MMACHC: variants seen among roughly 807,000 people sequenced by gnomAD.
MMACHC encodes the protein metabolism of cobalamin associated C, also known as cyanocobalamin reductase / alkylcobalamin dealkylase.
In MMACHC, 14 loss-of-function variants were observed where a neutral mutation model predicts 17.6. The observed-to-expected ratio is 0.80, with a 90% confidence interval of 0.53 to 1.25. The LOEUF is 1.25. Among genes scored for constraint, MMACHC ranks in the 50% most tolerant of loss-of-function variants. The pLI, the probability that MMACHC is intolerant of heterozygous loss-of-function variation, is 0.00. For missense variants in MMACHC, 392 were observed against 364.5 expected, an observed-to-expected ratio of 1.08 and a Z score of -0.62; for synonymous variants, 151 against 142.1, an observed-to-expected ratio of 1.06 and a Z score of -0.45.
Position 45,507,381 on chromosome 1 carries a change from C to G in MMACHC, c.107C>G (p.Pro36Arg), listed in dbSNP as rs770139367. The G allele has an allele frequency of 2.5e-6, 4 of 1,614,016 alleles. No homozygotes were observed. In the African/African-American group the frequency reaches 5.3e-5, roughly 22 times the overall value. ...GTGGCATGGTACAATGAACTCTTGCCTCCAGCCTTCCACCTACCGCTGCCA... is the reference window on the plus strand; with the variant it reads ...GTGGCATGGTACAATGAACTCTTGCGTCCAGCCTTCCACCTACCGCTGCCA... ...FQVAWYNELL[P>R]PAFHLPLPGP... Residue 36 changes from proline to arginine, a missense_variant, in exon 2 of 4, where the codon CCT becomes CGT. Coordinates refer to ENST00000401061, the MANE Select transcript of MMACHC (RefSeq NM_015506.3).
chr1:45,508,484 G>A, intron 3 of MMACHC, 120 bp downstream of exon 3: 1 of 1,225,846 alleles, frequency 8.2e-7, no homozygotes, highest in Non-Finnish European at 1.1e-6. Flanking sequence ...AATTAGCTTT[G>A]TTCTGGATGG....
At chr1:45,502,363 G>A (rs1643558688) in intron 1 of MMACHC, among the ~76,000 whole-genome samples, 1 of 152,060 alleles carries the variant, frequency 6.6e-6, no homozygotes, top group African/African-American at 2.4e-5. Flanking sequence ...TCAAACTCCT[G>A]GGCTCAAGTG....
At chr1:45,505,327 A>G (rs1213838808) in intron 1 of MMACHC, among the ~76,000 whole-genome samples, 1 of 151,988 alleles carries the variant, frequency 6.6e-6, no homozygotes, top group Non-Finnish European at 1.5e-5. Context: ...GCACGCCTGT[A>G]GTCCCAGCAA....
intron 3 of MMACHC, among the ~76,000 whole-genome samples, 177 bp from the exon 4 acceptor site, chr1:45,508,618 GC>G (rs1020902877): frequency 6.6e-6 from 1 of 152,226 alleles, no homozygotes; most frequent in Non-Finnish European, 1.5e-5. Context: ...AGACTAGGAA[GC>G]CCAGCCCTTC....
At position 45,511,383 on chromosome 1, in the gene MMACHC, A is replaced by G. The variant is rs766611771; in HGVS notation, c.*2168A>G. ...TCTTTTGGACATCAGGCTTGATGGT[A>G]TCACTGCCAGGTTTCCAGCCAGCTG... On this transcript the variant is annotated 3_prime_UTR_variant, in exon 4 of 4. Transcript: ENST00000401061. 2 of 1,613,246 alleles carry G rather than the reference A, an allele frequency of 1.2e-6. No homozygotes were observed.
rs952771687 is a variant in MMACHC at position 45,507,506 on chromosome 1, C to A, written c.232C>A (p.Pro78Thr). The change falls in exon 2 of 4, where the codon CCA becomes ACA. Residue 78 changes from proline to threonine, a missense_variant. Physicochemically the swap from Pro to Thr is conservative, Grantham distance 38. Transcript: ENST00000401061. Reference sequence around the variant, plus strand: ...CTGCCACCTCCGAATGCTGACTGACCCAGTGGACCAGTGTGTGGCCTACCA... The same window carrying A: ...CTGCCACCTCCGAATGCTGACTGACACAGTGGACCAGTGTGTGGCCTACCA... ...QSCHLRMLTDPVDQCVAYHLG... is the reference protein window; with the variant it reads ...QSCHLRMLTDTVDQCVAYHLG... The A allele has an allele frequency of 6.2e-7, 1 of 1,614,184 alleles. No homozygotes were observed. The highest frequency in any genetic ancestry group is 8.5e-7 in the Non-Finnish European group (1 of 1,180,040).
rs188193088 is a variant in MMACHC at position 45,505,897 on chromosome 1, G to A, written c.82-1459G>A. ...AACCTGGGCAACAGAGTGAGACTCC[G>A]TCTCAAAAAAAAAAAAAAACAAAAC... On this transcript the variant is annotated intron_variant, in intron 1 of 3. Transcript: ENST00000401061. Among the ~76,000 whole-genome samples the A allele has an allele frequency of 4.6e-3, 427 of 92,436 alleles. 2 individuals carry two copies. Among genetic ancestry groups the A allele is most frequent in the African/African-American group, 0.019 (399 of 21,040 alleles). 60.6% of individuals were successfully genotyped at this position (92,436 alleles called of 152,430 possible).
chr1:45,503,388 C>T (rs942793432), intron 1 of MMACHC, among the ~76,000 whole-genome samples: 1 of 149,240 alleles, frequency 6.7e-6, no homozygotes, highest in African/African-American at 2.5e-5. Context: ...AGAAGAAGAG[C>T]GAAACTCCAT....
At chr1:45,507,633 A>G (rs1570830326) in intron 2 of MMACHC, 83 bp downstream of exon 2, 1 of 1,469,156 alleles carries the variant, frequency 6.8e-7, no homozygotes, top group Non-Finnish European at 9.4e-7. Context: ...ATCTAGACCT[A>G]GGGCTAGGAG....
chr1:45,504,013 T>C (rs916235945), intron 1 of MMACHC, among the ~76,000 whole-genome samples: 8 of 152,214 alleles, frequency 5.3e-5, no homozygotes, highest in African/African-American at 1.9e-4. Context: ...TCCAATTTCT[T>C]GGATGTCCAG....
At chr1:45,506,611 T>G (rs59597607) in intron 1 of MMACHC, among the ~76,000 whole-genome samples, 1 of 152,020 alleles carries the variant, frequency 6.6e-6, no homozygotes, top group Non-Finnish European at 1.5e-5. Context: ...CTCAGCCTCC[T>G]GAGTAGCTGC....
intron 2 of MMACHC, 95 bp from the exon 3 acceptor site, chr1:45,508,117 C>T: frequency 1.4e-6 from 2 of 1,456,740 alleles, no homozygotes; most frequent in East Asian, 2.3e-5. Context: ...AGGACAGGAC[C>T]ATGTTCACAC....
rs1337963551 is a variant in MMACHC, at chr1:45,510,016, G to T, written c.*801G>T. The T allele has an allele frequency of 6.7e-6, 1 of 150,126 alleles. No individual in the cohort carries two copies. Among genetic ancestry groups the T allele is most frequent in the South Asian group, 2.1e-4 (1 of 4,740 alleles). 9.3% of individuals were successfully genotyped at this position (150,126 alleles called of 1,614,324 possible). A position where few individuals can be genotyped will look rare whatever the true frequency, so the allele number is the denominator to read the frequency against. ...CATTTGAACCAGGGAGGCAGAGATTGCAGTGAGCCGAGATTGCATGGCTGC... is the reference window on the plus strand; with the variant it reads ...CATTTGAACCAGGGAGGCAGAGATTTCAGTGAGCCGAGATTGCATGGCTGC... On this transcript the variant is annotated 3_prime_UTR_variant, in exon 4 of 4. Transcript: ENST00000401061.
At chr1:45,506,580 G>A (rs1439106891) in intron 1 of MMACHC, among the ~76,000 whole-genome samples, 3 of 151,950 alleles carry the variant, frequency 2.0e-5, no homozygotes, top group African/African-American at 4.8e-5. Context: ...TCTGCCTACC[G>A]GGTTCAAGCG....
rs763886783 is a variant in MMACHC at position 45,509,132 on chromosome 1, G to GC, written c.771dup (p.Lys258GlnfsTer52). The GC allele has an allele frequency of 1.1e-5, 17 of 1,611,294 alleles. No individual in the cohort carries two copies. The highest frequency in any genetic ancestry group is 1.7e-4 in the Middle Eastern group (1 of 6,030). ...CCCGGACCTTCCCTTTACCACACCCGCCCCCAAGAAGCCTGGGAATCCCAG... is the reference window on the plus strand; with the variant it reads ...CCCGGACCTTCCCTTTACCACACCCGCCCCCCAAGAAGCCTGGGAATCCCAG... On this transcript the variant is annotated frameshift_variant, in exon 4 of 4. Coordinates refer to ENST00000401061, the MANE Select transcript of MMACHC (RefSeq NM_015506.3). LOFTEE classifies it low-confidence loss of function (END_TRUNC).
At chr1:45,504,191 G>A (rs1282763493) in intron 1 of MMACHC, among the ~76,000 whole-genome samples, 1 of 152,136 alleles carries the variant, frequency 6.6e-6, no homozygotes, top group Non-Finnish European at 1.5e-5. Flanking sequence ...GAGGCGGGTG[G>A]ATCATCTGAG....
At position 45,511,526 on chromosome 1, in the gene MMACHC, C is replaced by G. The variant is rs920104706; in HGVS notation, c.*2311C>G. The G allele has an allele frequency of 6.5e-6, 5 of 773,772 alleles. No individual in the cohort carries two copies. Among genetic ancestry groups the G allele is most frequent in the Non-Finnish European group, 8.4e-6 (4 of 474,042 alleles). The allele number at this position is 773,772 out of a possible 1,614,324, so 47.9% of individuals were successfully genotyped here. A position where few individuals can be genotyped will look rare whatever the true frequency, so the allele number is the denominator to read the frequency against. On this transcript the variant is annotated 3_prime_UTR_variant, in exon 4 of 4. Coordinates refer to ENST00000401061, the MANE Select transcript of MMACHC (RefSeq NM_015506.3). ...AACACTCAGATACCAGGAAACCTAC[C>G]CCTGCAATCAGTCTTAGATCATTCA...
chr1:45,511,456 G>GTA lies in MMACHC; in HGVS notation c.*2243_*2244dup. The GTA allele has an allele frequency of 1.3e-6, 2 of 1,528,352 alleles. No individual in the cohort carries two copies. The highest frequency in any genetic ancestry group is 1.8e-6 in the Non-Finnish European group (2 of 1,108,248). 94.7% of individuals were successfully genotyped at this position (1,528,352 alleles called of 1,614,324 possible). Reference sequence around the variant, plus strand: ...CCACTAATTAATAACCTTCTCAATGGTATGCACCACCATTCTCCTATGGAC... The same window carrying GTA: ...CCACTAATTAATAACCTTCTCAATGGTATATGCACCACCATTCTCCTATGGAC... On this transcript the variant is annotated 3_prime_UTR_variant, in exon 4 of 4. Coordinates refer to ENST00000401061, the MANE Select transcript of MMACHC (RefSeq NM_015506.3).
intron 3 of MMACHC, among the ~76,000 whole-genome samples, 191 bp downstream of exon 3, chr1:45,508,555 C>G (rs1471155772): frequency 6.6e-6 from 1 of 152,198 alleles, no homozygotes; most frequent in Non-Finnish European, 1.5e-5. Context: ...AAAACTTAGT[C>G]TGCAGAACTG....
Sources: allele counts gnomAD v4.1 joint callset (sites outside exome capture counted in the v4.1 genomes callset), GRCh38; gene constraint gnomAD v4.1.1; transcripts MANE v1.5; gene names NCBI Gene and HGNC (gene_info 2026-07-23, HGNC 2026-07-21).